The following RPS6KA2 variants were observed in gnomAD, a reference collection of about 807,000 sequenced individuals.
RPS6KA2 encodes ribosomal protein S6 kinase alpha-2.
In RPS6KA2, 42 loss-of-function variants were observed where a neutral mutation model predicts 91.8. The observed-to-expected ratio is 0.46, with a 90% CI of 0.36 to 0.59. RPS6KA2 has a LOEUF of 0.59. Ranked by LOEUF, RPS6KA2 falls within the 20% of genes least tolerant of loss-of-function variation. RPS6KA2 has a pLI of 0.00. For synonymous variants in RPS6KA2, 414 were observed against 393.6 expected (o/e 1.05, Z -0.61); for missense variants, 798 against 978.5 (o/e 0.82, Z 2.46).
intron 2 of RPS6KA2, among the ~76,000 whole-genome samples, chr6:166,811,310 G>T (rs146837203): frequency 6.6e-6 from 1 of 152,314 alleles, no homozygotes; most frequent in East Asian, 1.9e-4. Flanking sequence ...GACAGAGCTT[G>T]CCCAGAATGT....
intron 2 of RPS6KA2, among the ~76,000 whole-genome samples, chr6:166,831,106 C>T (rs1057413579): frequency 1.2e-4 from 18 of 152,120 alleles, no homozygotes; most frequent in African/African-American, 4.3e-4. Flanking sequence ...GGTCCATCCA[C>T]GGAGAGAACC....
intron 2 of RPS6KA2, among the ~76,000 whole-genome samples, chr6:166,762,750 G>A (rs116642668): frequency 0.013 from 2,024 of 152,240 alleles, 36 homozygotes; most frequent in Admixed American, 0.045. Context: ...CTTCACTTCT[G>A]CCCCGACTTC....
chr6:166,440,710 T>TG (rs1779492458), intron 14 of RPS6KA2, among the ~76,000 whole-genome samples: 2 of 152,242 alleles, frequency 1.3e-5, no homozygotes, highest in Non-Finnish European at 2.9e-5. Flanking sequence ...ATTTTGTAAA[T>TG]GGAAATGCCA....
intron 10 of RPS6KA2, among the ~76,000 whole-genome samples, chr6:166,470,942 C>T (rs975388279): frequency 5.3e-5 from 8 of 152,202 alleles, no homozygotes; most frequent in African/African-American, 1.4e-4. Flanking sequence ...TCCCGGGTCA[C>T]GAATCCGAGA....
intron 10 of RPS6KA2, among the ~76,000 whole-genome samples, chr6:166,470,573 T>C (rs969560103): frequency 6.6e-6 from 1 of 152,040 alleles, no homozygotes; most frequent in South Asian, 2.1e-4. Context: ...GAGGGAGGAG[T>C]AGGCGGAGCG....
intron 2 of RPS6KA2, among the ~76,000 whole-genome samples, chr6:166,851,674 C>T (rs1780749416): frequency 6.6e-6 from 1 of 152,200 alleles, no homozygotes; most frequent in Non-Finnish European, 1.5e-5. Flanking sequence ...AGACTGTTCC[C>T]ATTCGCACTG....
intron 1 of RPS6KA2, among the ~76,000 whole-genome samples, chr6:166,552,898 T>C (rs1040745982): frequency 6.6e-6 from 1 of 152,250 alleles, no homozygotes; most frequent in Non-Finnish European, 1.5e-5. Context: ...GTGGGCTGTA[T>C]CCTGGCAATG....
At chr6:166,492,102 T>A (rs1781606404) in intron 8 of RPS6KA2, among the ~76,000 whole-genome samples, 1 of 152,150 alleles carries the variant, frequency 6.6e-6, no homozygotes, top group African/African-American at 2.4e-5. Context: ...CTTAAAGAAA[T>A]GAATGCATTT....
intron 3 of RPS6KA2, among the ~76,000 whole-genome samples, chr6:166,530,883 C>A (rs1413407521): frequency 6.6e-6 from 1 of 152,234 alleles, no homozygotes; most frequent in Non-Finnish European, 1.5e-5. Flanking sequence ...CCGAGTGAGG[C>A]CGTCGGCCTG....
At chr6:166,584,047 C>T (rs376655499) in intron 1 of RPS6KA2, among the ~76,000 whole-genome samples, 119 of 152,314 alleles carry the variant, frequency 7.8e-4, no homozygotes, top group African/African-American at 2.7e-3. Flanking sequence ...TTTAAAATGC[C>T]TTGGTGTGTT....
chr6:166,845,384 T>A (rs577671736), intron 2 of RPS6KA2, among the ~76,000 whole-genome samples: 4 of 152,132 alleles, frequency 2.6e-5, no homozygotes, highest in Non-Finnish European at 5.9e-5. Flanking sequence ...TTACAGAACA[T>A]CCTGCCCAAC....
chr6:166,772,859 T>C (rs1778513631), intron 2 of RPS6KA2, among the ~76,000 whole-genome samples: 1 of 152,236 alleles, frequency 6.6e-6, no homozygotes, highest in Non-Finnish European at 1.5e-5. Context: ...TCTCACTTCC[T>C]GGACTCTCTT....
rs1235519763 is a variant in RPS6KA2, at chr6:166,635,483, G to A, written c.124-96699C>T. 6.6e-6 allele frequency among the ~76,000 whole-genome samples: 1 copy of A among 152,236 alleles called. No homozygotes were observed. The highest frequency in any genetic ancestry group is 2.4e-5 in the African/African-American group (1 of 41,468). ...CATTCACAGGCTATGATGAGCAAGC[G>A]CCAGCCAGATACACAGGGACAGACA... On this transcript the variant is annotated intron_variant, in intron 2 of 21. Coordinates refer to the RPS6KA2 transcript ENST00000503859. This position sits in a 1 kb window ranked among gnomAD's most constrained non-coding sequence, Gnocchi z 4.8.
intron 11 of RPS6KA2, among the ~76,000 whole-genome samples, chr6:166,468,478 G>A (rs1456345568): frequency 6.6e-6 from 1 of 152,196 alleles, no homozygotes; most frequent in Non-Finnish European, 1.5e-5. Flanking sequence ...TCCAGCACTG[G>A]TGTTACACAT....
At chr6:166,536,719 G>A (rs1004979652) in intron 2 of RPS6KA2, among the ~76,000 whole-genome samples, 4 of 152,200 alleles carry the variant, frequency 2.6e-5, no homozygotes, top group African/African-American at 7.2e-5. Flanking sequence ...GGCCCATTCC[G>A]TAATCCCTGG....
At chr6:166,690,464 G>A (rs146734260) in intron 2 of RPS6KA2, among the ~76,000 whole-genome samples, 150 of 152,358 alleles carry the variant, frequency 9.8e-4, no homozygotes, top group Middle Eastern at 6.8e-3. Context: ...AGCCACCTGC[G>A]TGGCTAGAAT....
chr6:166,456,896 T>C (rs533105259), intron 12 of RPS6KA2, among the ~76,000 whole-genome samples: 3 of 152,356 alleles, frequency 2.0e-5, no homozygotes, highest in African/African-American at 2.4e-5. Flanking sequence ...CTGGAGTGCA[T>C]TGTGTCTAAT....
intron 2 of RPS6KA2, among the ~76,000 whole-genome samples, chr6:166,690,016 C>T (rs575093110): frequency 3.0e-4 from 45 of 152,266 alleles, no homozygotes; most frequent in African/African-American, 9.6e-4. Context: ...CAGAGCTGCA[C>T]GGTCCCGCAA....
intron 2 of RPS6KA2, among the ~76,000 whole-genome samples, chr6:166,749,749 A>G (rs373197795): frequency 1.4e-4 from 11 of 81,128 alleles, no homozygotes; most frequent in Admixed American, 2.7e-4. Context: ...CCTCTTCCTC[A>G]GGCCCCCATC....
Sources: gnomAD v4.1 joint callset for allele counts (sites outside exome capture counted in the v4.1 genomes callset) on GRCh38, gnomAD v4.1.1 for gene constraint, Gnocchi (gnomAD v3.1) non-coding constraint, MANE v1.5 for transcripts, NCBI Gene and HGNC (gene_info 2026-07-23, HGNC 2026-07-21) for gene names.